RUNDC3B: variants seen among roughly 807,000 people sequenced by gnomAD.
RUNDC3B encodes the protein RUN domain-containing protein 3B.
A neutral mutation model predicts 58.4 loss-of-function variants in RUNDC3B; 33 were observed. The observed-to-expected ratio is 0.56, with a 90% CI of 0.43 to 0.75. The LOEUF (loss-of-function observed/expected upper bound fraction) is 0.75, where lower values mean the gene tolerates loss of function less well. Ranked by LOEUF, RUNDC3B falls within the 30% of genes least tolerant of loss-of-function variation. RUNDC3B has a pLI of 0.00. For synonymous variants in RUNDC3B, 193 were observed against 195.2 expected, an observed-to-expected ratio of 0.99 and a Z score of 0.10; for missense variants, 501 against 535.7, an observed-to-expected ratio of 0.94 and a Z score of 0.64.
At chr7:87,639,279 G>A (rs1050682699) in intron 1 of RUNDC3B, among the ~76,000 whole-genome samples, 3 of 151,764 alleles carry the variant, frequency 2.0e-5, no homozygotes, top group African/African-American at 7.3e-5. Context: ...GAAAGATTTT[G>A]AGCTTTTGAA....
At position 87,673,976 on chromosome 7, in the gene RUNDC3B, C is replaced by T. The variant is rs1262210869; in HGVS notation, c.238+23039C>T. Among the ~76,000 whole-genome samples, 11 of 152,106 alleles carry T rather than the reference C, an allele frequency of 7.2e-5. 1 individual carries two copies. Among genetic ancestry groups the T allele is most frequent in the Non-Finnish European group, 1.6e-4 (11 of 68,028 alleles). ...TCATTTCTGGAAGATTTTAGTGGGC[C>T]AAGGCTTAGCTCAGCACTCCTCGGC... On this transcript the variant is annotated intron_variant, in intron 2 of 10. Transcript: ENST00000394654.
chr7:87,828,370 C>T (rs1837951472), intron 10 of RUNDC3B, among the ~76,000 whole-genome samples: 1 of 152,148 alleles, frequency 6.6e-6, no homozygotes, highest in Non-Finnish European at 1.5e-5. Flanking sequence ...CCTTGCCCCC[C>T]ACCACACCTC....
At chr7:87,633,684 A>G (rs527936137) in intron 1 of RUNDC3B, among the ~76,000 whole-genome samples, 3 of 152,174 alleles carry the variant, frequency 2.0e-5, no homozygotes, top group East Asian at 3.9e-4. Flanking sequence ...TTTTTTTTAA[A>G]AAGCACCCAG....
chr7:87,664,734 T>G (rs536489937), intron 2 of RUNDC3B, among the ~76,000 whole-genome samples: 160 of 152,166 alleles, frequency 1.1e-3, no homozygotes, highest in African/African-American at 3.8e-3. Context: ...AATTTAAAAA[T>G]TTATAGCAAA....
intron 2 of RUNDC3B, among the ~76,000 whole-genome samples, chr7:87,699,415 C>A (rs1472180819): frequency 2.7e-5 from 4 of 150,770 alleles, no homozygotes; most frequent in Non-Finnish European, 4.4e-5. Context: ...GTATAGAATT[C>A]TTTTTTTTTA....
chr7:87,695,293 T>A (rs2130665867), intron 2 of RUNDC3B, among the ~76,000 whole-genome samples: 1 of 152,240 alleles, frequency 6.6e-6, no homozygotes, highest in East Asian at 1.9e-4. Context: ...ATAGTACCTT[T>A]TTAAAGGAAA....
chr7:87,826,486 AAAG>A (rs1837815938), intron 10 of RUNDC3B, among the ~76,000 whole-genome samples: 1 of 151,770 alleles, frequency 6.6e-6, no homozygotes, highest in African/African-American at 2.4e-5. Flanking sequence ...CAAGGTATCT[AAAG>A]AAGAATGGAT....
intron 4 of RUNDC3B, among the ~76,000 whole-genome samples, chr7:87,723,180 C>A (rs1014005761): frequency 1.3e-5 from 2 of 151,864 alleles, no homozygotes; most frequent in African/African-American, 2.4e-5. Context: ...TTAAAAGTGA[C>A]CTGAATAGAT....
intron 2 of RUNDC3B, among the ~76,000 whole-genome samples, chr7:87,688,409 A>T (rs1191503760): frequency 6.6e-6 from 1 of 151,876 alleles, no homozygotes; most frequent in Admixed American, 6.6e-5. Flanking sequence ...ATCTTATGTT[A>T]ATTTATACGT....
In RUNDC3B at chr7:87,690,798, T is replaced by A. The variant is rs1369010979; in HGVS notation, c.239-9623T>A. ...AAATCTGAATTATTATCTGATCACT[T>A]ATAATTAGTTTTATTTGTTTTACAA... is the stretch of plus-strand genomic sequence containing the variant. On this transcript the variant is annotated intron_variant, in intron 2 of 10. Transcript: ENST00000394654. 3.3e-5 allele frequency among the ~76,000 whole-genome samples: 5 copies of A among 152,152 alleles called. No individual in the cohort carries two copies. The South Asian group carries it at 1.0e-3, about 31-fold the overall frequency.
At position 87,831,488 on chromosome 7, in the gene RUNDC3B, A is replaced by G. The variant is rs1584315607; in HGVS notation, c.*1458A>G. On this transcript the variant is annotated 3_prime_UTR_variant, in exon 11 of 11. Transcript: ENST00000394654. Reference sequence around the variant, plus strand: ...TGTCACTTCAGGGACAAAGGCCTGGAAGCCCTTAAAATAAGTTATCTTAGA... The same window carrying G: ...TGTCACTTCAGGGACAAAGGCCTGGGAGCCCTTAAAATAAGTTATCTTAGA... 6.6e-6 allele frequency: 1 copy of G among 151,906 alleles called. No homozygotes were observed. Among genetic ancestry groups the G allele is most frequent in the East Asian group, 1.9e-4 (1 of 5,198 alleles). The allele number at this position is 151,906 out of a possible 1,614,324, so 9.4% of individuals were successfully genotyped here. A position where few individuals can be genotyped will look rare whatever the true frequency, so the allele number is the denominator to read the frequency against.
intron 2 of RUNDC3B, among the ~76,000 whole-genome samples, chr7:87,656,118 A>G (rs1329897543): frequency 6.6e-6 from 1 of 152,140 alleles, no homozygotes; most frequent in Non-Finnish European, 1.5e-5. Context: ...GGGTATTGTT[A>G]TAGCAATACA....
chr7:87,730,980 A>G (rs955409812), intron 4 of RUNDC3B, among the ~76,000 whole-genome samples: 4 of 152,184 alleles, frequency 2.6e-5, no homozygotes, highest in South Asian at 4.1e-4. Flanking sequence ...CAGTACCTGT[A>G]TAAGTCTGAA....
intron 6 of RUNDC3B, among the ~76,000 whole-genome samples, chr7:87,764,947 T>G (rs749146755): frequency 1.1e-4 from 16 of 151,846 alleles, no homozygotes; most frequent in Non-Finnish European, 2.1e-4. Context: ...TCTTTTTTGT[T>G]GGGAGATTTT....
intron 4 of RUNDC3B, among the ~76,000 whole-genome samples, chr7:87,731,940 A>G (rs576364870): frequency 1.3e-3 from 199 of 152,278 alleles, no homozygotes; most frequent in African/African-American, 4.6e-3. Flanking sequence ...TGCACAGAAT[A>G]TTTTATCCAA....
At chr7:87,632,439 C>T (rs1189084619) in intron 1 of RUNDC3B, among the ~76,000 whole-genome samples, 1 of 152,138 alleles carries the variant, frequency 6.6e-6, no homozygotes, top group Non-Finnish European at 1.5e-5. Context: ...AAAACATTTG[C>T]ATAGTCCTTA....
intron 10 of RUNDC3B, among the ~76,000 whole-genome samples, chr7:87,821,759 TTGACAAACC>T (rs1313538832): frequency 6.6e-6 from 1 of 152,188 alleles, no homozygotes; most frequent in African/African-American, 2.4e-5. Context: ...CATCTGATCT[TTGACAAACC>T]TGACAAAAAC....
intron 2 of RUNDC3B, among the ~76,000 whole-genome samples, chr7:87,690,803 T>A (rs1299606004): frequency 2.6e-5 from 4 of 152,168 alleles, no homozygotes; most frequent in Non-Finnish European, 5.9e-5. Flanking sequence ...TCACTTATAA[T>A]TAGTTTTATT....
intron 8 of RUNDC3B, among the ~76,000 whole-genome samples, chr7:87,781,504 GGACT>G (rs1834920050): frequency 6.6e-6 from 1 of 152,012 alleles, no homozygotes; most frequent in African/African-American, 2.4e-5. Flanking sequence ...GCTCTGGCTA[GGACT>G]TCTAGTACTA....
Sources: allele counts gnomAD v4.1 joint callset (sites outside exome capture counted in the v4.1 genomes callset), GRCh38; gene constraint gnomAD v4.1.1; transcripts MANE v1.5; gene names NCBI Gene and HGNC (gene_info 2026-07-23, HGNC 2026-07-21).